TTBK2: variants seen among roughly 807,000 people sequenced by gnomAD.
TTBK2 encodes tau tubulin kinase 2, also known as tau-tubulin kinase 2.
In TTBK2, 28 loss-of-function variants were observed where a neutral mutation model predicts 110.8. That is an observed-to-expected ratio of 0.25 (90% confidence interval 0.19 to 0.35). The LOEUF (loss-of-function observed/expected upper bound fraction) is 0.35. TTBK2 is among the 10% of genes least tolerant of loss of function. TTBK2 has a pLI of 1.00. For synonymous variants in TTBK2, 532 were observed against 527.3 expected, an observed-to-expected ratio of 1.01 and a Z score of -0.12; for missense variants, 1,369 against 1,500.3, an observed-to-expected ratio of 0.91 and a Z score of 1.45.
Position 42,871,658 on chromosome 15 carries a change from T to C in TTBK2, c.217+953A>G, listed in dbSNP as rs563649801. 3.2e-5 allele frequency: 29 copies of C among 903,176 alleles called. 1 individual carries two copies. In the South Asian group the frequency reaches 3.6e-4, roughly 11 times the overall value. 55.9% of individuals were successfully genotyped at this position (903,176 alleles called of 1,614,324 possible). Reference sequence around the variant, plus strand: ...CAACTCAAGAGAAATGTGGAGAAAATAGAAAAGGTCAGAAAAAGAAAGAGC... The same window carrying C: ...CAACTCAAGAGAAATGTGGAGAAAACAGAAAAGGTCAGAAAAAGAAAGAGC... On this transcript the variant is annotated intron_variant, in intron 3 of 14. Coordinates refer to ENST00000267890, the MANE Select transcript of TTBK2 (RefSeq NM_173500.4).
At chr15:42,809,886 C>A (rs1436122096) in intron 9 of TTBK2, among the ~76,000 whole-genome samples, 3 of 152,184 alleles carry the variant, frequency 2.0e-5, no homozygotes, top group Non-Finnish European at 4.4e-5. Context: ...ACAACACTGA[C>A]AACACTGTAG....
intron 1 of TTBK2, among the ~76,000 whole-genome samples, chr15:42,901,444 C>T (rs189742893): frequency 6.6e-6 from 1 of 151,054 alleles, no homozygotes; most frequent in East Asian, 1.9e-4. Flanking sequence ...GGATATAATA[C>T]CAAAACAAAA....
At chr15:42,826,366 TC>T (rs1892537514) in intron 6 of TTBK2, among the ~76,000 whole-genome samples, 1 of 152,066 alleles carries the variant, frequency 6.6e-6, no homozygotes, top group South Asian at 2.1e-4. Context: ...CTCATTTGAA[TC>T]CCATAAGGAG....
At chr15:42,799,828 CT>C (rs1333056945) in intron 9 of TTBK2, among the ~76,000 whole-genome samples, 1 of 152,072 alleles carries the variant, frequency 6.6e-6, no homozygotes, top group African/African-American at 2.4e-5. Context: ...CATTTTAAAT[CT>C]GATGGGATAT....
chr15:42,859,646 C>T (rs935592704), intron 3 of TTBK2, among the ~76,000 whole-genome samples: 1 of 152,068 alleles, frequency 6.6e-6, no homozygotes, highest in Non-Finnish European at 1.5e-5. Context: ...TTGGCATTTG[C>T]TTTTATGCAG....
chr15:42,884,406 T>TA (rs1277969280), intron 1 of TTBK2, among the ~76,000 whole-genome samples: 1 of 152,216 alleles, frequency 6.6e-6, no homozygotes, highest in Non-Finnish European at 1.5e-5. Flanking sequence ...ACTGGGGTGC[T>TA]AGGAGCATCT....
At position 42,794,756 on chromosome 15, in the gene TTBK2, T is replaced by C. The variant is rs1212298911; in HGVS notation, c.868A>G (p.Ile290Val). The change falls in exon 10 of 15, where the codon ATT becomes GTT. Residue 290 changes from isoleucine to valine, a missense_variant. Around this residue, in one of 4 missense-constraint regions of TTBK2, gnomAD observed 138 missense variants for 179.0 expected, o/e 0.77. Transcript: ENST00000267890. ...TCCCAGTCAAAAGGGTCACTCTCAATTACTCCAAAAGTCTTGATGCTATTG... is the reference window on the plus strand; with the variant it reads ...TCCCAGTCAAAAGGGTCACTCTCAACTACTCCAAAAGTCTTGATGCTATTG... ...FDNSIKTFGV[I>V]ESDPFDWEKT... The C allele has an allele frequency of 2.5e-6, 4 of 1,614,102 alleles. No individual in the cohort carries two copies. Among genetic ancestry groups the C allele is most frequent in the Non-Finnish European group, 3.4e-6 (4 of 1,180,020 alleles).
At chr15:42,750,078 C>G (rs1184367937) in intron 14 of TTBK2, among the ~76,000 whole-genome samples, 1 of 151,962 alleles carries the variant, frequency 6.6e-6, no homozygotes, top group Admixed American at 6.6e-5. Context: ...AGAGTGAGAT[C>G]CTGTCTCAAA....
chr15:42,836,676 G>C (rs2141004833), intron 4 of TTBK2, among the ~76,000 whole-genome samples: 1 of 152,218 alleles, frequency 6.6e-6, no homozygotes, highest in Middle Eastern at 3.4e-3. Flanking sequence ...GTCAGATTTA[G>C]GTAAGTACAA....
chr15:42,806,620 G>A (rs957635684), intron 9 of TTBK2, among the ~76,000 whole-genome samples: 2 of 151,878 alleles, frequency 1.3e-5, no homozygotes, highest in African/African-American at 2.4e-5. Context: ...TCCCATTAGG[G>A]CCCATGCATG....
At chr15:42,799,659 C>G (rs535565794) in intron 9 of TTBK2, among the ~76,000 whole-genome samples, 1 of 152,172 alleles carries the variant, frequency 6.6e-6, no homozygotes, top group Non-Finnish European at 1.5e-5. Flanking sequence ...TGGTCTTGAA[C>G]TCCTGACCTC....
intron 2 of TTBK2, among the ~76,000 whole-genome samples, chr15:42,874,653 ATAC>A (rs1894743063): frequency 6.6e-6 from 1 of 151,548 alleles, no homozygotes; most frequent in Admixed American, 6.6e-5. Context: ...TGGGAAAGGA[ATAC>A]TACTTGAAAC....
intron 1 of TTBK2, among the ~76,000 whole-genome samples, chr15:42,889,749 CT>C (rs1281906641): frequency 6.6e-6 from 1 of 152,118 alleles, no homozygotes; most frequent in Admixed American, 6.6e-5. Context: ...ACAAATGCTC[CT>C]TCTAACAACC....
chr15:42,880,214 C>T (rs1894986560), intron 1 of TTBK2, among the ~76,000 whole-genome samples: 1 of 152,020 alleles, frequency 6.6e-6, no homozygotes, highest in South Asian at 2.1e-4. Flanking sequence ...CTAAGCCCAT[C>T]AAAGGAAGCT....
intron 1 of TTBK2, among the ~76,000 whole-genome samples, chr15:42,893,502 T>C (rs1323338655): frequency 6.6e-6 from 1 of 151,278 alleles, no homozygotes; most frequent in African/African-American, 2.4e-5. Context: ...TTAAAATATA[T>C]ATATAATATT....
intron 14 of TTBK2, among the ~76,000 whole-genome samples, chr15:42,750,796 AC>A (rs1249374035): frequency 6.6e-6 from 1 of 152,224 alleles, no homozygotes. Flanking sequence ...GAACTCAGAG[AC>A]CCACAATGAG....
chr15:42,871,508 A>T (rs967391468), intron 3 of TTBK2: 2 of 985,226 alleles, frequency 2.0e-6, no homozygotes, highest in Admixed American at 1.2e-4. Context: ...CACCAAGCTG[A>T]TGCTGACATA....
intron 11 of TTBK2, among the ~76,000 whole-genome samples, chr15:42,782,568 C>A (rs1890223466): frequency 6.6e-6 from 1 of 152,206 alleles, no homozygotes. Flanking sequence ...AAAGATGTAT[C>A]TTAAACTGCA....
intron 4 of TTBK2, among the ~76,000 whole-genome samples, chr15:42,838,794 T>C (rs1484912183): frequency 6.6e-6 from 1 of 151,752 alleles, no homozygotes; most frequent in African/African-American, 2.4e-5. Flanking sequence ...CCAGCCTGGG[T>C]GACAGACCAA....
Sources: gnomAD v4.1 joint callset for allele counts (sites outside exome capture counted in the v4.1 genomes callset) on GRCh38, gnomAD v4.1.1 for gene constraint, gnomAD v4.1.1 regional missense constraint, MANE v1.5 for transcripts, NCBI Gene and HGNC (gene_info 2026-07-23, HGNC 2026-07-21) for gene names.